The following FREM2 variants were observed in gnomAD, a reference collection of about 807,000 sequenced individuals.
FREM2 encodes the protein FRAS1-related extracellular matrix protein 2.
In FREM2, 119 loss-of-function variants were observed where a neutral mutation model predicts 219.9. The observed-to-expected ratio is 0.54, with a 90% CI of 0.47 to 0.63. The LOEUF (loss-of-function observed/expected upper bound fraction) is 0.63. Among genes scored for constraint, FREM2 ranks in the 30% least tolerant of loss-of-function variants. The pLI is 0.00. For missense variants in FREM2, 4,030 were observed against 3,993.6 expected, an observed-to-expected ratio of 1.01 and a Z score of -0.25; for synonymous variants, 1,562 against 1,522.8, an observed-to-expected ratio of 1.03 and a Z score of -0.60.
Position 38,747,989 on chromosome 13 carries a change from G to GA in FREM2, c.5264-16314dup, listed in dbSNP as rs148551415. ...ATCGTAAGGTTCAAATATCCACAGG[G>GA]ACTAAGATCCAACTGAAAACAGGAG... On this transcript the variant is annotated intron_variant, in intron 2 of 23. Coordinates refer to ENST00000280481, the MANE Select transcript of FREM2 (RefSeq NM_207361.6). Among the ~76,000 whole-genome samples the GA allele has an allele frequency of 6.6e-3, 1,010 of 152,182 alleles. 9 individuals carry two copies. Among genetic ancestry groups the GA allele is most frequent in the African/African-American group, 0.023 (962 of 41,510 alleles).
chr13:38,810,123 T>C (rs886963831), intron 6 of FREM2, among the ~76,000 whole-genome samples: 56 of 152,168 alleles, frequency 3.7e-4, no homozygotes, highest in African/African-American at 1.3e-3. Context: ...CTTTTTCAGA[T>C]TGTTCAACTT....
chr13:38,714,477 G>A (rs1870901691), intron 2 of FREM2, among the ~76,000 whole-genome samples: 1 of 152,152 alleles, frequency 6.6e-6, no homozygotes, highest in Admixed American at 6.5e-5. Flanking sequence ...GGAGGGGAAT[G>A]TTGGTGAAAG....
In FREM2 at chr13:38,876,035, C is replaced by T. The variant is rs1465471967; in HGVS notation, c.8295C>T (p.Ser2765=). The T allele has an allele frequency of 2.5e-6, 4 of 1,613,802 alleles. No individual in the cohort carries two copies. The South Asian group carries it at 3.3e-5, about 13-fold the overall frequency. ...FVLSHPASFT[S]SVIMSADHPG... ...GCACTTTCCTAGCATCCTTTACAAG[C>T]TCAGTGATCATGTCAGCTGATCATC... The change falls in exon 19 of 24, where the codon AGC becomes AGT. Residue 2765 remains serine (S), a synonymous_variant. Coordinates refer to ENST00000280481, the MANE Select transcript of FREM2 (RefSeq NM_207361.6).
intron 2 of FREM2, among the ~76,000 whole-genome samples, chr13:38,739,284 T>G (rs1473023579): frequency 1.3e-5 from 2 of 152,144 alleles, no homozygotes; most frequent in African/African-American, 4.8e-5. Context: ...CTGAAACTGC[T>G]CCATGGATTT....
intron 2 of FREM2, among the ~76,000 whole-genome samples, chr13:38,751,616 C>A (rs1454619821): frequency 6.6e-6 from 1 of 152,140 alleles, no homozygotes; most frequent in African/African-American, 2.4e-5. Context: ...CAGGAGATTT[C>A]TGTTAGCTTT....
chr13:38,775,950 T>C (rs1356171556), intron 4 of FREM2, among the ~76,000 whole-genome samples: 2 of 152,216 alleles, frequency 1.3e-5, no homozygotes, highest in Non-Finnish European at 2.9e-5. Flanking sequence ...CACATTTGTA[T>C]AGTAGTACCA....
intron 6 of FREM2, among the ~76,000 whole-genome samples, chr13:38,799,548 C>T (rs1874929166): frequency 6.6e-6 from 1 of 152,026 alleles, no homozygotes; most frequent in Non-Finnish European, 1.5e-5. Context: ...CTGTCTAGTG[C>T]TGTGAGTGGG....
intron 17 of FREM2, 60 bp downstream of exon 17, chr13:38,872,994 C>A: frequency 6.6e-7 from 1 of 1,507,622 alleles, no homozygotes; most frequent in Non-Finnish European, 9.2e-7. Context: ...CTATTTAAGA[C>A]GATTTTTTTT....
In FREM2 at chr13:38,887,037, A is replaced by G. The variant is rs1566180099; in HGVS notation, c.*6250A>G. 6.6e-6 allele frequency: 1 copy of G among 152,226 alleles called. No homozygotes were observed. The highest frequency in any genetic ancestry group is 1.5e-5 in the Non-Finnish European group (1 of 68,038). 9.4% of individuals were successfully genotyped at this position (152,226 alleles called of 1,614,324 possible). On this transcript the variant is annotated 3_prime_UTR_variant, in exon 24 of 24. Coordinates refer to ENST00000280481, the MANE Select transcript of FREM2 (RefSeq NM_207361.6). ...ATTCAGTCATAAATTCATGTCAACA[A>G]TAAGTCTTGCTGCCGCTTGTGTTTC...
chr13:38,688,686 A>T lies in FREM2; in HGVS notation c.1342A>T (p.Ile448Phe), dbSNP rs765154280. The change falls in exon 1 of 24, where the codon ATT becomes TTT. Residue 448 changes from isoleucine to phenylalanine, a missense_variant. This residue lies in a region of FREM2 where 3,102 missense variants were observed against 2,950.7 expected (regional missense o/e 1.05). Transcript: ENST00000280481. The part of the protein sequence containing the change: ...APVVTRNTGL[I>F]LYEGQSRPLT... ...GGTGGTCACCCGGAATACCGGTCTT[A>T]TTCTCTATGAGGGTCAGTCTCGGCC... 6.2e-7 allele frequency: 1 copy of T among 1,614,126 alleles called. No homozygotes were observed. Among genetic ancestry groups the T allele is most frequent in the Non-Finnish European group, 8.5e-7 (1 of 1,180,016 alleles).
chr13:38,790,840 T>C (rs973719329), intron 6 of FREM2, among the ~76,000 whole-genome samples: 3 of 152,218 alleles, frequency 2.0e-5, no homozygotes, highest in Admixed American at 1.3e-4. Context: ...CCGTTTTTCT[T>C]TTATTGTACT....
chr13:38,841,931 GA>G (rs1402693608), intron 6 of FREM2, among the ~76,000 whole-genome samples: 1 of 152,184 alleles, frequency 6.6e-6, no homozygotes, highest in Non-Finnish European at 1.5e-5. Flanking sequence ...GACAATGGGG[GA>G]CATACGCACA....
At chr13:38,849,434 CAA>C (rs980551824) in intron 8 of FREM2, among the ~76,000 whole-genome samples, 39 of 152,238 alleles carry the variant, frequency 2.6e-4, no homozygotes, top group African/African-American at 9.4e-4. Flanking sequence ...AGACACTCAT[CAA>C]ATTTCTTTAA....
At position 38,689,073 on chromosome 13, in the gene FREM2, G is replaced by A. The variant is rs757773005; in HGVS notation, c.1729G>A (p.Val577Met). 5.6e-6 allele frequency: 9 copies of A among 1,613,836 alleles called. No homozygotes were observed. In the East Asian group the frequency reaches 1.6e-4, roughly 28 times the overall value. The change falls in exon 1 of 24, where the codon GTG (valine) becomes ATG (methionine). Residue 577 changes from valine to methionine, a missense_variant. By Grantham distance (21) the Val-to-Met change is conservative. This residue lies in a region of FREM2 where 3,102 missense variants were observed against 2,950.7 expected (regional missense o/e 1.05). Transcript: ENST00000280481. ...GCTGACACTGGCAGAGGGTGAAACA[G>A]TGCCCATCCTGCCCCTTTCCCTGAG... ...TGLTLAEGET[V>M]PILPLSLSAT...
chr13:38,818,493 A>G (rs1360911488), intron 6 of FREM2, among the ~76,000 whole-genome samples: 2 of 152,106 alleles, frequency 1.3e-5, no homozygotes, highest in African/African-American at 4.8e-5. Flanking sequence ...AAAAAAGTTG[A>G]TATCATTGAA....
At chr13:38,852,477 T>C (rs1481182507) in intron 11 of FREM2, among the ~76,000 whole-genome samples, 2 of 152,336 alleles carry the variant, frequency 1.3e-5, no homozygotes, top group African/African-American at 4.8e-5. Flanking sequence ...TAATTTCCTA[T>C]ATTTTTCTAT....
intron 16 of FREM2, among the ~76,000 whole-genome samples, chr13:38,867,157 C>T (rs1393194564): frequency 6.6e-6 from 1 of 152,158 alleles, no homozygotes; most frequent in Admixed American, 6.5e-5. Context: ...TGTAGGTTTT[C>T]AGTTAAGTTT....
intron 17 of FREM2, among the ~76,000 whole-genome samples, chr13:38,873,932 G>A (rs918173402): frequency 6.6e-6 from 1 of 152,048 alleles, no homozygotes; most frequent in Admixed American, 6.6e-5. Context: ...TTTTAAGTCC[G>A]TGTCTTGTTT....
intron 2 of FREM2, among the ~76,000 whole-genome samples, chr13:38,723,699 A>G (rs1360591388): frequency 2.0e-5 from 3 of 152,218 alleles, no homozygotes; most frequent in Non-Finnish European, 4.4e-5. Flanking sequence ...CATTGTATGA[A>G]ACAAATTTAC....
Sources: gnomAD v4.1 joint callset for allele counts (sites outside exome capture counted in the v4.1 genomes callset) on GRCh38, gnomAD v4.1.1 for gene constraint, gnomAD v4.1.1 regional missense constraint, MANE v1.5 for transcripts, NCBI Gene and HGNC (gene_info 2026-07-23, HGNC 2026-07-21) for gene names.